Variants in CHST8 observed in about 807,000 individuals in gnomAD.
CHST8 encodes the protein carbohydrate sulfotransferase 8.
A neutral mutation model predicts 15.0 loss-of-function variants in CHST8; 10 were observed. The observed-to-expected ratio is 0.67, with a 90% confidence interval of 0.41 to 1.13. The LOEUF is 1.13. Ranked by LOEUF, CHST8 falls within the 50% of genes most tolerant of loss-of-function variation. The pLI is 0.00. For synonymous variants in CHST8, 259 were observed against 256.6 expected (o/e 1.01, Z -0.09); for missense variants, 634 against 608.2 (o/e 1.04, Z -0.45).
In CHST8 at chr19:33,757,426, G is replaced by A. The variant is rs553765438; in HGVS notation, c.131-13987G>A. Among the ~76,000 whole-genome samples the A allele has an allele frequency of 2.5e-4, 3 of 12,034 alleles. 1 individual carries two copies. Among genetic ancestry groups the A allele is most frequent in the African/African-American group, 9.3e-4 (3 of 3,236 alleles). 7.9% of individuals were successfully genotyped at this position (12,034 alleles called of 152,430 possible). ...AGAAAGAAAGAAAGAAAGAAAGAAAGAAAGAAAGAAAGAAAGAAAGAAAGA... is the reference window on the plus strand; with the variant it reads ...AGAAAGAAAGAAAGAAAGAAAGAAAAAAAGAAAGAAAGAAAGAAAGAAAGA... On this transcript the variant is annotated intron_variant, in intron 3 of 4. Coordinates refer to ENST00000650847, the MANE Select transcript of CHST8 (RefSeq NM_001127895.2).
chr19:33,663,382 T>G lies in CHST8; in HGVS notation c.-163-4385T>G, dbSNP rs566983267. Among the ~76,000 whole-genome samples, 6 of 152,154 alleles carry G rather than the reference T, an allele frequency of 3.9e-5. No individual in the cohort carries two copies. In the South Asian group the frequency reaches 1.2e-3, roughly 32 times the overall value. On this transcript the variant is annotated intron_variant, in intron 1 of 4. Coordinates refer to ENST00000650847, the MANE Select transcript of CHST8 (RefSeq NM_001127895.2). ...GAATTCGAAATGAGCCCGGGCAACA[T>G]AGCAAGACCCTGTCTCTACAAAAAA...
rs139264939 is a variant in CHST8, at chr19:33,718,136, G to A, written c.130+28745G>A. 6.1e-3 allele frequency among the ~76,000 whole-genome samples: 923 copies of A among 152,198 alleles called. 6 individuals are homozygous for A. Among genetic ancestry groups the A allele is most frequent in the Middle Eastern group, 0.024 (7 of 292 alleles). On this transcript the variant is annotated intron_variant, in intron 3 of 4. Coordinates refer to ENST00000650847, the MANE Select transcript of CHST8 (RefSeq NM_001127895.2). ...GCTTGGAGTCCATAGGTTATTTGCA[G>A]TTTCCTCAGCAGGTACATCTTCCAT...
At chr19:33,725,286 AC>A (rs975810996) in intron 3 of CHST8, among the ~76,000 whole-genome samples, 6 of 150,958 alleles carry the variant, frequency 4.0e-5, no homozygotes, top group Non-Finnish European at 8.9e-5. Context: ...CCACACACTC[AC>A]CCCCCAGGGG....
At chr19:33,747,560 T>TACAC (rs561293804) in intron 3 of CHST8, among the ~76,000 whole-genome samples, 3,187 of 151,102 alleles carry the variant, frequency 0.021, 54 homozygotes, top group Non-Finnish European at 0.027. Context: ...CACACACACA[T>TACAC]ACACACACAC....
At chr19:33,702,872 C>A (rs559425137) in intron 3 of CHST8, among the ~76,000 whole-genome samples, 15 of 152,332 alleles carry the variant, frequency 9.8e-5, no homozygotes, top group African/African-American at 3.1e-4. Flanking sequence ...TCAGGATTAC[C>A]TCGGGTCTGG....
intron 1 of CHST8, among the ~76,000 whole-genome samples, chr19:33,650,112 G>T (rs964714649): frequency 6.6e-6 from 1 of 152,092 alleles, no homozygotes; most frequent in Admixed American, 6.6e-5. Context: ...GTTCATGCTG[G>T]TCAGTTGTTG....
At chr19:33,677,631 A>AG (rs1485429270) in intron 2 of CHST8, among the ~76,000 whole-genome samples, 1 of 152,214 alleles carries the variant, frequency 6.6e-6, no homozygotes, top group Non-Finnish European at 1.5e-5. Flanking sequence ...CCAGTCCACC[A>AG]GGGGCCTACT....
chr19:33,645,807 A>C (rs1001870810), intron 1 of CHST8, among the ~76,000 whole-genome samples: 1 of 152,174 alleles, frequency 6.6e-6, no homozygotes, highest in Non-Finnish European at 1.5e-5. Flanking sequence ...TACACAGAGA[A>C]GAGCAGGAGT....
rs1973901782 is a variant in CHST8 at position 33,726,474 on chromosome 19, G to A, written c.130+37083G>A. On this transcript the variant is annotated intron_variant, in intron 3 of 4. Transcript: ENST00000650847. The stretch of plus-strand genomic sequence containing the variant: ...AGGGGCTTGAGCTCAGGAGATAGAG[G>A]CTGCTGGAAGTCCTGGTTGCACCAC... Among the ~76,000 whole-genome samples, 3 of 152,164 alleles carry A rather than the reference G, an allele frequency of 2.0e-5. 1 individual carries two copies. In the South Asian group the frequency reaches 6.2e-4, roughly 32 times the overall value.
At chr19:33,716,199 T>C (rs1400750389) in intron 3 of CHST8, among the ~76,000 whole-genome samples, 1 of 152,238 alleles carries the variant, frequency 6.6e-6, no homozygotes, top group Non-Finnish European at 1.5e-5. Context: ...GGTTCATATT[T>C]AAACTGTTTG....
In CHST8 at chr19:33,741,952, A is replaced by G. The variant is rs561708855; in HGVS notation, c.131-29461A>G. The stretch of plus-strand genomic sequence containing the variant: ...CCAGATGGGAGTCTGTGAACCCAAC[A>G]TGAGCCAGGCTTGGGTCATTTATTA... On this transcript the variant is annotated intron_variant, in intron 3 of 4. Transcript: ENST00000650847. 1.9e-4 allele frequency among the ~76,000 whole-genome samples: 29 copies of G among 152,192 alleles called. 1 individual carries two copies. Among genetic ancestry groups the G allele is most frequent in the Admixed American group, 1.8e-3 (27 of 15,276 alleles).
At chr19:33,684,171 T>G (rs1972934850) in intron 2 of CHST8, among the ~76,000 whole-genome samples, 2 of 152,176 alleles carry the variant, frequency 1.3e-5, no homozygotes, top group Admixed American at 6.5e-5. Context: ...CTAGTAGGGC[T>G]ATGGTGGCAA....
intron 1 of CHST8, among the ~76,000 whole-genome samples, chr19:33,667,086 G>C (rs1972673698): frequency 6.6e-6 from 1 of 152,164 alleles, no homozygotes; most frequent in South Asian, 2.1e-4. Flanking sequence ...CCATGAGAAG[G>C]CACCTAGGTT....
In CHST8 at chr19:33,757,605, A is replaced by C. The variant is rs10420857; in HGVS notation, c.131-13808A>C. Among the ~76,000 whole-genome samples, 3 of 112,996 alleles carry C rather than the reference A, an allele frequency of 2.7e-5. No individual in the cohort carries two copies. In the East Asian group the frequency reaches 6.4e-4, roughly 24 times the overall value. 74.1% of individuals were successfully genotyped at this position (112,996 alleles called of 152,430 possible). A position where few individuals can be genotyped will look rare whatever the true frequency, so the allele number is the denominator to read the frequency against. ...GAAAGAAAGAAAGAAAGAAAGAAAG[A>C]GCCGGCCATTCAGAAGGGAGCAGAA... On this transcript the variant is annotated intron_variant, in intron 3 of 4. Coordinates refer to ENST00000650847, the MANE Select transcript of CHST8 (RefSeq NM_001127895.2).
intron 1 of CHST8, among the ~76,000 whole-genome samples, chr19:33,626,698 G>A (rs1972057899): frequency 6.6e-6 from 1 of 151,908 alleles, no homozygotes; most frequent in South Asian, 2.1e-4. Flanking sequence ...GGAAGGGCAC[G>A]AGGCCCTCAC....
intron 3 of CHST8, among the ~76,000 whole-genome samples, chr19:33,734,535 C>G (rs189479071): frequency 1.4e-4 from 21 of 152,314 alleles, no homozygotes; most frequent in African/African-American, 4.8e-4. Context: ...GGTGCTGTCC[C>G]CCAGGTGGGA....
chr19:33,661,537 T>C (rs992238015), intron 1 of CHST8, among the ~76,000 whole-genome samples: 6 of 152,184 alleles, frequency 3.9e-5, no homozygotes, highest in African/African-American at 1.4e-4. Flanking sequence ...TCGAGCCCTT[T>C]GCACGGTGGT....
chr19:33,652,393 T>TTTTG (rs1491474033), intron 1 of CHST8, among the ~76,000 whole-genome samples: 2 of 145,360 alleles, frequency 1.4e-5, no homozygotes, highest in South Asian at 4.3e-4. Flanking sequence ...TTTTTTTTTT[T>TTTTG]GAGACAGCTT....
chr19:33,675,439 G>C (rs1422102497), intron 2 of CHST8, among the ~76,000 whole-genome samples: 1 of 152,206 alleles, frequency 6.6e-6, no homozygotes, highest in Non-Finnish European at 1.5e-5. Flanking sequence ...AGCAGAGCCT[G>C]GGTCCCCAGT....
Sources: gnomAD v4.1 joint callset for allele counts (sites outside exome capture counted in the v4.1 genomes callset) on GRCh38, gnomAD v4.1.1 for gene constraint, MANE v1.5 for transcripts, NCBI Gene and HGNC (gene_info 2026-07-23, HGNC 2026-07-21) for gene names.